MARCHF1: variants seen among roughly 807,000 people sequenced by gnomAD.
MARCHF1 encodes the protein E3 ubiquitin-protein ligase MARCHF1.
Under a neutral mutation model 54.2 loss-of-function variants are expected in MARCHF1, and 40 were observed. The observed-to-expected ratio is 0.74, with a 90% CI of 0.57 to 0.96. The LOEUF (loss-of-function observed/expected upper bound fraction) is 0.96. Among genes scored for constraint, MARCHF1 ranks in the 40% least tolerant of loss-of-function variants. The pLI, the probability that MARCHF1 is intolerant of heterozygous loss-of-function variation, is 0.00. For synonymous variants in MARCHF1, 236 were observed against 236.3 expected (o/e 1.00, Z 0.01); for missense variants, 586 against 656.5 (o/e 0.89, Z 1.17).
intron 5 of MARCHF1, among the ~76,000 whole-genome samples, chr4:163,649,257 T>C (rs545723075): frequency 5.9e-5 from 9 of 152,040 alleles, no homozygotes; most frequent in Non-Finnish European, 1.2e-4. Context: ...CATTGACTTA[T>C]ATCATACAAA....
chr4:163,850,942 C>A (rs1749624221), intron 4 of MARCHF1, among the ~76,000 whole-genome samples: 1 of 151,968 alleles, frequency 6.6e-6, no homozygotes, highest in Non-Finnish European at 1.5e-5. Flanking sequence ...CTTCTAAAGC[C>A]CAAATGGTGG....
intron 2 of MARCHF1, among the ~76,000 whole-genome samples, chr4:164,071,346 CAGTTG>C (rs1209483518): frequency 3.3e-5 from 5 of 151,952 alleles, no homozygotes; most frequent in African/African-American, 1.2e-4. Context: ...TTTTCACTAG[CAGTTG>C]AGTTTTTTGC....
intron 2 of MARCHF1, among the ~76,000 whole-genome samples, chr4:164,097,480 G>C (rs1026786066): frequency 1.3e-5 from 2 of 152,088 alleles, no homozygotes; most frequent in South Asian, 4.1e-4. Context: ...ACTCATTAGA[G>C]TTTCAAAATT....
At chr4:164,169,463 A>G (rs1369358250) in intron 1 of MARCHF1, among the ~76,000 whole-genome samples, 2 of 152,042 alleles carry the variant, frequency 1.3e-5, no homozygotes, top group Non-Finnish European at 2.9e-5. Context: ...TCACTTATAT[A>G]ATCAAGTTAT....
intron 3 of MARCHF1, among the ~76,000 whole-genome samples, chr4:163,939,222 C>A (rs549008259): frequency 1.3e-5 from 2 of 152,260 alleles, no homozygotes; most frequent in African/African-American, 4.8e-5. Context: ...GGATATAAAA[C>A]AGAGGTGTTT....
chr4:164,158,132 T>A (rs571935213), intron 1 of MARCHF1, among the ~76,000 whole-genome samples: 35 of 152,276 alleles, frequency 2.3e-4, no homozygotes, highest in East Asian at 7.7e-4. Context: ...TATATTTTTT[T>A]AAAAAAACTT....
intron 8 of MARCHF1, among the ~76,000 whole-genome samples, chr4:163,558,894 C>T (rs1228572918): frequency 6.6e-6 from 1 of 152,104 alleles, no homozygotes; most frequent in Non-Finnish European, 1.5e-5. Context: ...GAACATTGAT[C>T]CTCTCACAGA....
chr4:163,635,683 C>A (rs1468020563), intron 5 of MARCHF1, among the ~76,000 whole-genome samples: 1 of 151,280 alleles, frequency 6.6e-6, no homozygotes, highest in Non-Finnish European at 1.5e-5. Context: ...GAACTGGTAC[C>A]ATTCCTTCTG....
At chr4:163,684,920 A>G (rs116354976) in intron 5 of MARCHF1, among the ~76,000 whole-genome samples, 101 of 152,360 alleles carry the variant, frequency 6.6e-4, no homozygotes, top group African/African-American at 2.3e-3. Flanking sequence ...CCATTCATAA[A>G]TGTATCTTGT....
intron 2 of MARCHF1, among the ~76,000 whole-genome samples, chr4:164,001,973 T>C (rs534836516): frequency 2.6e-5 from 4 of 151,960 alleles, no homozygotes; most frequent in African/African-American, 9.6e-5. Flanking sequence ...AGATAACTTA[T>C]AGAATCATAA....
chr4:163,868,226 G>A (rs1750096847), intron 3 of MARCHF1, among the ~76,000 whole-genome samples: 1 of 151,710 alleles, frequency 6.6e-6, no homozygotes, highest in Non-Finnish European at 1.5e-5. Flanking sequence ...AGGAAAAATA[G>A]TATCAAAATA....
At chr4:163,640,265 C>T (rs1467504571) in intron 5 of MARCHF1, among the ~76,000 whole-genome samples, 1 of 152,230 alleles carries the variant, frequency 6.6e-6, no homozygotes, top group South Asian at 2.1e-4. Context: ...AATACTGTGT[C>T]TCTCAACAGG....
intron 1 of MARCHF1, among the ~76,000 whole-genome samples, chr4:164,298,907 A>T (rs1734479684): frequency 6.6e-6 from 1 of 152,120 alleles, no homozygotes; most frequent in Non-Finnish European, 1.5e-5. Flanking sequence ...TTTCATGTGT[A>T]CTCTATAGGG....
At chr4:163,626,543 T>C (rs568242669) in intron 5 of MARCHF1, among the ~76,000 whole-genome samples, 2 of 152,344 alleles carry the variant, frequency 1.3e-5, no homozygotes, top group South Asian at 2.1e-4. Flanking sequence ...GAAATACTGC[T>C]GCAGAAGATT....
At chr4:164,029,991 G>A (rs754784947) in intron 2 of MARCHF1, among the ~76,000 whole-genome samples, 43 of 152,248 alleles carry the variant, frequency 2.8e-4, no homozygotes, top group African/African-American at 1.0e-3. Context: ...TAATTTGCAA[G>A]TAAAAAATTG....
At chr4:163,607,603 A>G (rs945713866) in intron 7 of MARCHF1, among the ~76,000 whole-genome samples, 2 of 152,122 alleles carry the variant, frequency 1.3e-5, no homozygotes, top group Admixed American at 6.6e-5. Context: ...TGTGAAGTAC[A>G]GGAATGTAAC....
intron 3 of MARCHF1, among the ~76,000 whole-genome samples, chr4:163,909,291 T>G: frequency 6.6e-6 from 1 of 152,182 alleles, no homozygotes; most frequent in East Asian, 1.9e-4. Flanking sequence ...GATAATATAC[T>G]CTTGTAGCAC....
intron 4 of MARCHF1, among the ~76,000 whole-genome samples, chr4:163,786,446 T>A (rs1033725815): frequency 1.3e-5 from 2 of 151,890 alleles, no homozygotes. Flanking sequence ...CTAAGTAATG[T>A]AGAATAATAA....
chr4:163,777,473 T>G (rs1240158222), intron 4 of MARCHF1, among the ~76,000 whole-genome samples: 2 of 152,080 alleles, frequency 1.3e-5, no homozygotes. Flanking sequence ...CATTACATGT[T>G]CACTGCAAAA....
Sources: allele counts gnomAD v4.1 joint callset (sites outside exome capture counted in the v4.1 genomes callset), GRCh38; gene constraint gnomAD v4.1.1; transcripts MANE v1.5; gene names NCBI Gene and HGNC (gene_info 2026-07-23, HGNC 2026-07-21).